The following RERE variants were observed in gnomAD, a reference collection of about 807,000 sequenced individuals.
The protein encoded by RERE is arginine-glutamic acid dipeptide repeats protein.
In RERE, 40 loss-of-function variants were observed where a neutral mutation model predicts 146.1. The observed-to-expected ratio is 0.27, with a 90% confidence interval of 0.21 to 0.36. The LOEUF (loss-of-function observed/expected upper bound fraction) is 0.36, where lower values mean the gene tolerates loss of function less well. Ranked by LOEUF, RERE falls within the 10% of genes least tolerant of loss-of-function variation. The pLI is 1.00. For missense variants in RERE, 1,933 were observed against 2,138.7 expected (o/e 0.90, Z 1.90); for synonymous variants, 1,003 against 866.0 (o/e 1.16, Z -2.78).
intron 1 of RERE, among the ~76,000 whole-genome samples, chr1:8,716,391 G>C (rs916985104): frequency 6.6e-6 from 1 of 151,784 alleles, no homozygotes; most frequent in African/African-American, 2.4e-5. Context: ...GATCACTTGA[G>C]CCTGGGAGGT....
At chr1:8,633,857 AG>A (rs1422303262) in intron 2 of RERE, among the ~76,000 whole-genome samples, 1 of 152,112 alleles carries the variant, frequency 6.6e-6, no homozygotes, top group East Asian at 1.9e-4. Flanking sequence ...TGACCACAGG[AG>A]GCAGAAGCTA....
intron 15 of RERE, among the ~76,000 whole-genome samples, chr1:8,363,387 A>G (rs982221238): frequency 2.0e-5 from 3 of 152,192 alleles, no homozygotes; most frequent in African/African-American, 4.8e-5. Context: ...TCAGGAGACA[A>G]TGGTTCTGGC....
intron 4 of RERE, among the ~76,000 whole-genome samples, chr1:8,559,278 C>T (rs1197937540): frequency 1.9e-4 from 1 of 5,334 alleles, no homozygotes; most frequent in Non-Finnish European, 3.2e-4. Flanking sequence ...AAAACTCCAG[C>T]TCAAAAAAAA....
rs3753275 is a variant in RERE, at chr1:8,365,840, T to C, written c.1419A>G (p.Thr473=). The part of the protein sequence containing the change: ...KTRTASTPVN[T]PSRPPSSEFL... ...ATTCACTGGACGGGGGTCTGGAGGG[T>C]GTGTTGACGGGTGTGGACGCGGTGC... is the stretch of plus-strand genomic sequence containing the variant. The change falls in exon 13 of 23, where the codon ACA becomes ACG. Residue 473 remains threonine, a synonymous_variant. Transcript: ENST00000400908. 307,617 of 1,613,740 alleles carry C rather than the reference T, an allele frequency of 0.19. 32,394 individuals are homozygous for C. Among genetic ancestry groups the C allele is most frequent in the African/African-American group, 0.37 (27,800 of 74,928 alleles).
At chr1:8,383,953 T>C (rs1038060082) in intron 12 of RERE, among the ~76,000 whole-genome samples, 2 of 152,204 alleles carry the variant, frequency 1.3e-5, no homozygotes, top group African/African-American at 2.4e-5. Flanking sequence ...TATTCACTTA[T>C]GATAATGTGG....
intron 8 of RERE, among the ~76,000 whole-genome samples, chr1:8,498,596 T>A (rs910157519): frequency 2.7e-5 from 4 of 149,386 alleles, no homozygotes; most frequent in African/African-American, 9.9e-5. Context: ...CTTGGGAGGT[T>A]GAGGCAAGAG....
At chr1:8,366,158 G>A (rs1456819544) in intron 12 of RERE, among the ~76,000 whole-genome samples, 184 bp from the exon 13 acceptor site, 2 of 152,214 alleles carry the variant, frequency 1.3e-5, no homozygotes, top group Admixed American at 6.5e-5. Flanking sequence ...TGAGCTGCCC[G>A]TGGACTGCAT....
chr1:8,491,243 C>A (rs1179987967), intron 10 of RERE, among the ~76,000 whole-genome samples: 3 of 151,030 alleles, frequency 2.0e-5, no homozygotes, highest in East Asian at 1.9e-4. Context: ...GAGTTCGAGA[C>A]CAGCCTGACC....
At chr1:8,601,282 T>G (rs1646622149) in intron 4 of RERE, among the ~76,000 whole-genome samples, 1 of 151,976 alleles carries the variant, frequency 6.6e-6, no homozygotes, top group South Asian at 2.1e-4. Context: ...CCTCCCAAAG[T>G]GCTGGGATTA....
chr1:8,599,316 A>G (rs1240687075), intron 4 of RERE, among the ~76,000 whole-genome samples: 2 of 152,236 alleles, frequency 1.3e-5, no homozygotes, highest in South Asian at 4.1e-4. Flanking sequence ...AGCAAGGCCA[A>G]CTTCTTGTAT....
chr1:8,392,989 AATGAAG>A (rs1490406747), intron 12 of RERE, among the ~76,000 whole-genome samples: 1 of 152,180 alleles, frequency 6.6e-6, no homozygotes, highest in East Asian at 1.9e-4. Context: ...GATACTACCC[AATGAAG>A]ATGTGCACCA....
intron 2 of RERE, among the ~76,000 whole-genome samples, chr1:8,628,857 T>C (rs1242194370): frequency 6.6e-6 from 1 of 152,174 alleles, no homozygotes; most frequent in Non-Finnish European, 1.5e-5. Flanking sequence ...TGTCTGAAGC[T>C]GGTTATAAAA....
chr1:8,386,535 AACT>A (rs1642686007), intron 12 of RERE, among the ~76,000 whole-genome samples: 1 of 84,730 alleles, frequency 1.2e-5, no homozygotes, highest in Non-Finnish European at 2.9e-5. Flanking sequence ...GAAGGCAGTG[AACT>A]GAACATACAT....
rs919965455 is a variant in RERE at position 8,715,027 on chromosome 1, C to A, written c.-144-58586G>T. ...TAGCTGGGACTACAGGCGTGCGCTA[C>A]CACGCCTGGCTAATTTTTGTATTTT... On this transcript the variant is annotated intron_variant, in intron 1 of 22. Transcript: ENST00000400908. 1.7e-4 allele frequency among the ~76,000 whole-genome samples: 26 copies of A among 151,804 alleles called. No individual in the cohort carries two copies. In the East Asian group the frequency reaches 2.6e-3, roughly 15 times the overall value.
intron 4 of RERE, among the ~76,000 whole-genome samples, chr1:8,584,515 C>G (rs1384788055): frequency 6.6e-6 from 1 of 152,150 alleles, no homozygotes; most frequent in African/African-American, 2.4e-5. Flanking sequence ...CCACGGTATT[C>G]CAGCCTGGGT....
At chr1:8,728,026 C>T (rs1280603955) in intron 1 of RERE, among the ~76,000 whole-genome samples, 3 of 152,234 alleles carry the variant, frequency 2.0e-5, no homozygotes, top group South Asian at 2.1e-4. Context: ...TCAGCCAACG[C>T]AGCCAACGCT....
intron 11 of RERE, among the ~76,000 whole-genome samples, chr1:8,438,906 T>C (rs981018023): frequency 2.0e-5 from 3 of 152,216 alleles, no homozygotes; most frequent in Admixed American, 6.5e-5. Context: ...AACTCTCTAA[T>C]TGATATTCTC....
At position 8,766,724 on chromosome 1, in the gene RERE, G is replaced by A. The variant is rs180944923; in HGVS notation, c.-145+50436C>T. 3.7e-4 allele frequency among the ~76,000 whole-genome samples: 56 copies of A among 152,174 alleles called. No individual in the cohort carries two copies. In the East Asian group the frequency reaches 5.0e-3, roughly 14 times the overall value. ...CAGGGTTACTTACTTAGAAAATTGA[G>A]TAGCATTTATCAAAACAGGAAAACA... On this transcript the variant is annotated intron_variant, in intron 1 of 22. Coordinates refer to ENST00000400908, the MANE Select transcript of RERE (RefSeq NM_001042681.2).
chr1:8,571,313 C>T (rs1052853532), intron 4 of RERE, among the ~76,000 whole-genome samples: 3 of 152,142 alleles, frequency 2.0e-5, no homozygotes, highest in Middle Eastern at 3.2e-3. Context: ...AGCAATATTC[C>T]GCCCTCTCCT....
Sources: gnomAD v4.1 joint callset for allele counts (sites outside exome capture counted in the v4.1 genomes callset) on GRCh38, gnomAD v4.1.1 for gene constraint, MANE v1.5 for transcripts, NCBI Gene and HGNC (gene_info 2026-07-23, HGNC 2026-07-21) for gene names.